Variants in ZNF721 observed in about 807,000 individuals in gnomAD.
ZNF721 encodes zinc finger protein 721.
ZNF721 carries 2 observed loss-of-function variants against 2.4 expected under a neutral mutation model. The ratio of observed to expected loss-of-function variants is 0.82; its 90% CI spans 0.34 to 2.58. The LOEUF (loss-of-function observed/expected upper bound fraction) is 2.58. Ranked by LOEUF, ZNF721 falls within the 30% of genes most tolerant of loss-of-function variation. The probability of loss-of-function intolerance (pLI) is 0.11; values close to 1 mark genes in which losing one functional copy is unlikely to be tolerated. For synonymous variants in ZNF721, 398 were observed against 381.8 expected (o/e 1.04, Z -0.50); for missense variants, 1,187 against 1,085.5 (o/e 1.09, Z -1.31).
chr4:452,675 G>A (rs797043557), intron 2 of ZNF721, among the ~76,000 whole-genome samples: 1 of 152,158 alleles, frequency 6.6e-6, no homozygotes, highest in African/African-American at 2.4e-5. Context: ...GGTGGGAAGA[G>A]GGTACCTTTG....
intron 2 of ZNF721, among the ~76,000 whole-genome samples, chr4:456,050 T>TTTTTTTTATTTATTTA (rs372286059): frequency 6.9e-6 from 1 of 144,334 alleles, no homozygotes; most frequent in Non-Finnish European, 1.5e-5. Context: ...CCAAAAAAAT[T>TTTTTTTTATTTATTTA]TTTATTTATT....
intron 1 of ZNF721, among the ~76,000 whole-genome samples, chr4:482,575 C>A (rs1268287253): frequency 6.6e-6 from 1 of 152,130 alleles, no homozygotes; most frequent in Non-Finnish European, 1.5e-5. Flanking sequence ...CGGCTCACTG[C>A]AACCTCTGCC....
At chr4:495,625 G>C (rs966699625) in intron 1 of ZNF721, among the ~76,000 whole-genome samples, 1 of 151,012 alleles carries the variant, frequency 6.6e-6, no homozygotes, top group Admixed American at 6.6e-5. Flanking sequence ...TTTTTGAGAC[G>C]GAATCTCACT....
Position 441,774 on chromosome 4 carries a change from C to A in ZNF721, c.2693G>T (p.Cys898Phe), listed in dbSNP as rs1212969464. 5 of 1,613,480 alleles carry A rather than the reference C, an allele frequency of 3.1e-6. No individual in the cohort carries two copies. The African/African-American group carries it at 4.0e-5, about 13-fold the overall frequency. Residue 898 changes from cysteine (C) to phenylalanine (F), a missense_variant, in exon 3 of 3, where the codon TGT becomes TTT. By Grantham distance (205) the Cys-to-Phe change is radical. Coordinates refer to ENST00000511833, the MANE Select transcript of ZNF721 (RefSeq NM_133474.4). ...TGCAGACTGTCTAAAGGTTTTGCCACAGTCTCCACACGTGTAGGGTTTCTC... is the reference window on the plus strand; with the variant it reads ...TGCAGACTGTCTAAAGGTTTTGCCAAAGTCTCCACACGTGTAGGGTTTCTC... ...TGEKPYTCGD[C>F]GKTFRQSANL...
intron 1 of ZNF721, among the ~76,000 whole-genome samples, chr4:497,749 T>A (rs1305544559): frequency 4.1e-4 from 53 of 128,178 alleles, no homozygotes; most frequent in East Asian, 1.1e-3. Flanking sequence ...AAAAAAAAAA[T>A]TTGACGGGCG....
intron 1 of ZNF721, among the ~76,000 whole-genome samples, chr4:492,314 T>C (rs1553871597): frequency 6.6e-6 from 1 of 152,158 alleles, no homozygotes; most frequent in African/African-American, 2.4e-5. Flanking sequence ...AAAAAGACCT[T>C]CTGCAGTGCA....
chr4:444,187 C>T lies in ZNF721; in HGVS notation c.280G>A (p.Ala94Thr), dbSNP rs782102836. 1.9e-6 allele frequency: 3 copies of T among 1,613,654 alleles called. No homozygotes were observed. Among genetic ancestry groups the T allele is most frequent in the Middle Eastern group, 1.6e-4 (1 of 6,082 alleles). The change falls in exon 3 of 3, where the codon GCA becomes ACA. Residue 94 changes from alanine to threonine, a missense_variant. Physicochemically the swap from Ala to Thr is moderately conservative, Grantham distance 58 (BLOSUM62 0). Coordinates refer to ENST00000511833, the MANE Select transcript of ZNF721 (RefSeq NM_133474.4). The part of the protein sequence containing the change: ...NARVKVFSKF[A>T]NSNKDKTRHT... ...CTTGTCTTATCTTTGTTTGAATTTG[C>T]AAATTTACTAAAAACTTTGACACGT...
chr4:486,663 A>G (rs1320986956), intron 1 of ZNF721, among the ~76,000 whole-genome samples: 6 of 152,384 alleles, frequency 3.9e-5, no homozygotes, highest in Admixed American at 6.5e-5. Context: ...GACTTTGTCT[A>G]TATTAAAAAT....
chr4:494,370 T>C (rs1297528230), intron 1 of ZNF721, among the ~76,000 whole-genome samples: 1 of 151,544 alleles, frequency 6.6e-6, no homozygotes, highest in Non-Finnish European at 1.5e-5. Context: ...GTATGTTTAG[T>C]AGAGATGGGG....
intron 2 of ZNF721, among the ~76,000 whole-genome samples, chr4:450,364 T>G (rs1419784446): frequency 1.3e-5 from 2 of 152,240 alleles, no homozygotes; most frequent in African/African-American, 2.4e-5. Flanking sequence ...TTTTGATATT[T>G]GCCACAACAC....
rs190944345 is a variant in ZNF721 at position 442,281 on chromosome 4, T to A, written c.2186A>T (p.Asp729Val). Residue 729 changes from aspartate (D) to valine (V), a missense_variant, in exon 3 of 3, where the codon GAT becomes GTT. Physicochemically the swap from Asp to Val is radical, Grantham distance 152. Coordinates refer to ENST00000511833, the MANE Select transcript of ZNF721 (RefSeq NM_133474.4). Reference protein sequence around the residue: ...HTREKPYKCEDRGRSFGWSTN... With the variant: ...HTREKPYKCEVRGRSFGWSTN... ...GGACCATCCAAAGGATCTGCCACGA[T>A]CTTCACATTTGTAGGGTTTCTCCCT... The A allele has an allele frequency of 6.2e-7, 1 of 1,613,274 alleles. No homozygotes were observed.
chr4:441,859 A>G lies in ZNF721; in HGVS notation c.2608T>C (p.Cys870Arg), dbSNP rs782101710. 1.9e-6 allele frequency: 3 copies of G among 1,614,028 alleles called. No homozygotes were observed. The highest frequency in any genetic ancestry group is 2.2e-5 in the South Asian group (2 of 91,080). Residue 870 changes from cysteine to arginine, a missense_variant, in exon 3 of 3, where the codon TGT (cysteine) becomes CGT (arginine). Cys to Arg is a radical substitution (Grantham distance 180). Coordinates refer to ENST00000511833, the MANE Select transcript of ZNF721 (RefSeq NM_133474.4). ...GCAGACTGTCTAAAGGTTTTGCCAC[A>G]TTCTCCACATGTGTAGGGTTTCTCT... ...TGEKPYTCGE[C>R]GKTFRQSANL...
intron 2 of ZNF721, among the ~76,000 whole-genome samples, chr4:448,696 T>C (rs1391905535): frequency 7.9e-5 from 12 of 152,064 alleles, no homozygotes; most frequent in African/African-American, 2.7e-4. Flanking sequence ...TCAAAACACA[T>C]ACAAAGCTAA....
chr4:451,422 TG>T (rs2108694159), intron 2 of ZNF721, among the ~76,000 whole-genome samples: 1 of 152,328 alleles, frequency 6.6e-6, no homozygotes, highest in Non-Finnish European at 1.5e-5. Context: ...TGGGACCTCG[TG>T]CCAAACAACT....
chr4:456,689 G>A (rs1321033341), intron 2 of ZNF721, among the ~76,000 whole-genome samples: 1 of 152,130 alleles, frequency 6.6e-6, no homozygotes, highest in Admixed American at 6.5e-5. Flanking sequence ...GACCATTCTG[G>A]CTAACATGGT....
In ZNF721 at chr4:442,874, A is replaced by G. The variant is rs1714313438; in HGVS notation, c.1593T>C (p.Cys531=). 1 of 1,613,894 alleles carries G rather than the reference A, an allele frequency of 6.2e-7. No homozygotes were observed. Among genetic ancestry groups the G allele is most frequent in the Non-Finnish European group, 8.5e-7 (1 of 1,179,954 alleles). The change falls in exon 3 of 3, where the codon TGT becomes TGC. Residue 531 remains cysteine, a synonymous_variant. Transcript: ENST00000511833. ...GTCTAAAGGCTTTGCCACATACTTC[A>G]CATGTGTAGGGTTTCTCTCCAGTAT... ...RIHTGEKPYT[C]EVCGKAFRQS...
In ZNF721 at chr4:444,401, C is replaced by G; in HGVS notation, c.66G>C (p.Leu22Phe). 6.3e-7 allele frequency: 1 copy of G among 1,590,414 alleles called. No homozygotes were observed. The highest frequency in any genetic ancestry group is 8.5e-7 in the Non-Finnish European group (1 of 1,170,578). ...AMCSHFTQDF[L>F]PVQGIEDSFH... is the part of the protein sequence containing the mutation. The stretch of plus-strand genomic sequence containing the variant: ...ATGAATCTTCTATCCCCTGCACTGG[C>G]AAAAAGTCTTGGGTGAAATGAGAAC... The change falls in exon 3 of 3, where the codon TTG becomes TTC. Residue 22 changes from leucine (L) to phenylalanine (F), a missense_variant. Transcript: ENST00000511833.
chr4:457,664 G>A (rs1164845706), intron 2 of ZNF721, among the ~76,000 whole-genome samples: 2 of 152,116 alleles, frequency 1.3e-5, no homozygotes, highest in African/African-American at 4.8e-5. Context: ...CCCACAGAGA[G>A]AAACATCCAT....
chr4:491,702 A>G lies in ZNF721; in HGVS notation c.-94+7354T>C, dbSNP rs376955266. Among the ~76,000 whole-genome samples the G allele has an allele frequency of 1.5e-3, 232 of 152,346 alleles. 1 individual carries two copies. Among genetic ancestry groups the G allele is most frequent in the African/African-American group, 5.2e-3 (216 of 41,568 alleles). ...GTTCCCATAATCTCTATCAAAGACA[A>G]TTGGCTTCAGACTACGTCATGACAA... On this transcript the variant is annotated intron_variant, in intron 1 of 2. Coordinates refer to ENST00000511833, the MANE Select transcript of ZNF721 (RefSeq NM_133474.4).
Sources: allele counts gnomAD v4.1 joint callset (sites outside exome capture counted in the v4.1 genomes callset), GRCh38; gene constraint gnomAD v4.1.1; transcripts MANE v1.5; gene names NCBI Gene and HGNC (gene_info 2026-07-23, HGNC 2026-07-21).